Variants in DCK observed in about 807,000 individuals in gnomAD.
DCK encodes the protein deoxyadenosine kinase.
Under a neutral mutation model 38.3 loss-of-function variants are expected in DCK, and 23 were observed. The observed-to-expected ratio is 0.60, with a 90% CI of 0.43 to 0.85. The LOEUF is 0.85. Among genes scored for constraint, DCK ranks in the 40% least tolerant of loss-of-function variants. The pLI is 0.00. For synonymous variants in DCK, 108 were observed against 100.6 expected (o/e 1.07, Z -0.44); for missense variants, 259 against 304.4 (o/e 0.85, Z 1.11).
intron 2 of DCK, among the ~76,000 whole-genome samples, chr4:71,004,393 C>A (rs567055419): frequency 6.6e-6 from 1 of 152,282 alleles, no homozygotes; most frequent in South Asian, 2.1e-4. Context: ...AGGTGTCTGC[C>A]GACCCCTGCT....
intron 2 of DCK, among the ~76,000 whole-genome samples, chr4:71,002,490 A>G (rs1424983313): frequency 6.6e-6 from 1 of 152,164 alleles, no homozygotes; most frequent in East Asian, 1.9e-4. Flanking sequence ...TGCTTGGTCC[A>G]GAGCTGAGTT....
chr4:71,001,204 G>C (rs982417701), intron 2 of DCK, among the ~76,000 whole-genome samples: 3 of 152,166 alleles, frequency 2.0e-5, no homozygotes, highest in African/African-American at 7.2e-5. Flanking sequence ...AAGGGATGTT[G>C]AATTTTATTG....
At chr4:71,022,585 G>T in intron 3 of DCK, 25 bp downstream of exon 3, 1 of 1,324,548 alleles carries the variant, frequency 7.5e-7, no homozygotes, top group South Asian at 2.3e-5. Context: ...CTTGTACGTG[G>T]CCATTTGAAG....
intron 1 of DCK, among the ~76,000 whole-genome samples, chr4:70,994,699 G>A (rs1365774307): frequency 5.3e-5 from 8 of 152,136 alleles, no homozygotes; most frequent in South Asian, 2.1e-4. Flanking sequence ...TATTATTAAC[G>A]AAACTCGAAA....
chr4:71,012,348 T>G (rs1740123011), intron 2 of DCK, among the ~76,000 whole-genome samples: 1 of 152,242 alleles, frequency 6.6e-6, no homozygotes, highest in South Asian at 2.1e-4. Context: ...GGGCAGGGCA[T>G]AGCTGAACAA....
chr4:71,022,483 G>C lies in DCK; in HGVS notation c.324G>C (p.Gln108His). ...TYACLSRIRA[Q>H]LASLNGKLKD... is the part of the protein sequence containing the mutation. ...CCTGTCTCAGTCGAATAAGAGCTCA[G>C]CTTGCCTCTCTGAATGGCAAGCTCA... Residue 108 changes from glutamine to histidine, a missense_variant, in exon 3 of 7, where the codon CAG (glutamine) becomes CAC (histidine). By Grantham distance (24) the Gln-to-His change is conservative. Transcript: ENST00000286648. 6.2e-7 allele frequency: 1 copy of C among 1,609,410 alleles called. No homozygotes were observed.
chr4:71,015,064 C>A (rs990712522), intron 2 of DCK, among the ~76,000 whole-genome samples: 1 of 152,140 alleles, frequency 6.6e-6, no homozygotes, highest in African/African-American at 2.4e-5. Context: ...ATCAAATAGA[C>A]TCAATAAAAA....
chr4:70,998,634 T>A (rs998541103), intron 2 of DCK, among the ~76,000 whole-genome samples: 1 of 152,100 alleles, frequency 6.6e-6, no homozygotes, highest in Non-Finnish European at 1.5e-5. Flanking sequence ...TGTTTAAACA[T>A]GCATTGAGGC....
chr4:71,021,066 C>CTTT (rs34109101), intron 2 of DCK, among the ~76,000 whole-genome samples: 1 of 86,002 alleles, frequency 1.2e-5, no homozygotes, highest in Non-Finnish European at 2.4e-5. Context: ...GATGCTATTT[C>CTTT]TTTTTTTTTT....
At chr4:71,014,844 C>T (rs1282699226) in intron 2 of DCK, among the ~76,000 whole-genome samples, 1 of 152,174 alleles carries the variant, frequency 6.6e-6, no homozygotes, top group African/African-American at 2.4e-5. Flanking sequence ...GACACCCTAA[C>T]ATCACAATTA....
rs376987970 is a variant in DCK at position 71,014,147 on chromosome 4, CA to C, written c.208-8218del. On this transcript the variant is annotated intron_variant, in intron 2 of 6. Transcript: ENST00000286648. ...GTCTCTGATAAAACAGTCTTTAAAC[CA>C]ACAAAGATCAAAAGAGACAAAGAAG... Among the ~76,000 whole-genome samples, 49 of 152,114 alleles carry C rather than the reference CA, an allele frequency of 3.2e-4. No homozygotes were observed. In the East Asian group the frequency reaches 5.2e-3, roughly 16 times the overall value.
At chr4:71,026,922 C>T (rs1017500166) in intron 6 of DCK, 167 bp downstream of exon 6, 2 of 382,790 alleles carry the variant, frequency 5.2e-6, no homozygotes, top group Non-Finnish European at 9.4e-6. Flanking sequence ...TGACTAAATT[C>T]TAGCTTTGTG....
chr4:71,002,210 G>A (rs1739821109), intron 2 of DCK, among the ~76,000 whole-genome samples: 1 of 152,228 alleles, frequency 6.6e-6, no homozygotes, highest in South Asian at 2.1e-4. Flanking sequence ...ATTTATTTCT[G>A]CCCTAATTTC....
At chr4:71,028,295 A>G (rs1007831375) in intron 6 of DCK, among the ~76,000 whole-genome samples, 3 of 152,250 alleles carry the variant, frequency 2.0e-5, no homozygotes, top group Non-Finnish European at 4.4e-5. Flanking sequence ...TTTTAGAACT[A>G]TATCTATCTT....
chr4:71,023,535 G>A (rs761906822), intron 3 of DCK, 24 bp from the exon 4 acceptor site: 1 of 1,419,814 alleles, frequency 7.0e-7, no homozygotes, highest in Non-Finnish European at 9.6e-7. Context: ...AATGATACAT[G>A]TGTTGATGAA....
At chr4:71,002,296 C>T (rs1041333931) in intron 2 of DCK, among the ~76,000 whole-genome samples, 9 of 152,130 alleles carry the variant, frequency 5.9e-5, no homozygotes, top group African/African-American at 2.2e-4. Flanking sequence ...TTTCTTAATC[C>T]TGAGTTCTAA....
At chr4:71,005,310 T>A (rs1428531390) in intron 2 of DCK, among the ~76,000 whole-genome samples, 1 of 151,462 alleles carries the variant, frequency 6.6e-6, no homozygotes, top group East Asian at 2.0e-4. Flanking sequence ...GTATAACCAG[T>A]CCCAATGAGA....
chr4:71,012,549 G>T (rs1226511856), intron 2 of DCK, among the ~76,000 whole-genome samples: 1 of 152,184 alleles, frequency 6.6e-6, no homozygotes, highest in Non-Finnish European at 1.5e-5. Context: ...ATACGGCTGG[G>T]TACCCCTCTG....
Position 71,029,578 on chromosome 4 carries a change from A to G in DCK, c.*200A>G, listed in dbSNP as rs1390910726. ...TTCTTTTGTTTTTTTTTTAAAAAAG[A>G]CATTTAAAGACAAAGACATTATTTC... On this transcript the variant is annotated 3_prime_UTR_variant, in exon 7 of 7. Coordinates refer to ENST00000286648, the MANE Select transcript of DCK (RefSeq NM_000788.3). The G allele has an allele frequency of 1.7e-5, 9 of 538,766 alleles. No homozygotes were observed. In the Admixed American group the frequency reaches 1.8e-4, roughly 11 times the overall value. 33.4% of individuals were successfully genotyped at this position (538,766 alleles called of 1,614,324 possible).
Sources: gnomAD v4.1 joint callset for allele counts (sites outside exome capture counted in the v4.1 genomes callset) on GRCh38, gnomAD v4.1.1 for gene constraint, MANE v1.5 for transcripts, NCBI Gene and HGNC (gene_info 2026-07-23, HGNC 2026-07-21) for gene names.